RBFOX1: variants seen among roughly 807,000 people sequenced by gnomAD.
The protein encoded by RBFOX1 is RNA binding fox-1 homolog 1.
RBFOX1 carries 8 observed loss-of-function variants against 57.7 expected under a neutral mutation model. The observed-to-expected ratio is 0.14, with a 90% CI of 0.08 to 0.25. The LOEUF is 0.25. Among genes scored for constraint, RBFOX1 ranks in the 10% least tolerant of loss-of-function variants. RBFOX1 has a pLI of 1.00. For synonymous variants in RBFOX1, 326 were observed against 222.4 expected (o/e 1.47, Z -4.15); for missense variants, 611 against 548.5 (o/e 1.11, Z -1.14).
rs193006461 is a variant in RBFOX1, at chr16:7,512,587, T to C, written c.28-5560T>C. On this transcript the variant is annotated intron_variant, in intron 4 of 15. Coordinates refer to ENST00000550418, the MANE Select transcript of RBFOX1 (RefSeq NM_018723.4). ...GTACAGGATGAAATCTGGAGTCCCA[T>C]GTTCCTGGATGCTAACTGCAGGCTC... Among the ~76,000 whole-genome samples, 295 of 152,308 alleles carry C rather than the reference T, an allele frequency of 1.9e-3. 1 individual carries two copies. The highest frequency in any genetic ancestry group is 3.4e-3 in the Non-Finnish European group (231 of 68,014).
At chr16:6,150,470 A>G (rs1398656590) in intron 1 of RBFOX1, among the ~76,000 whole-genome samples, 1 of 152,162 alleles carries the variant, frequency 6.6e-6, no homozygotes, top group Non-Finnish European at 1.5e-5. Flanking sequence ...TTCCATTAAA[A>G]AAAAAATAAG....
At chr16:6,784,930 A>G (rs2081666727) in intron 3 of RBFOX1, among the ~76,000 whole-genome samples, 1 of 152,128 alleles carries the variant, frequency 6.6e-6, no homozygotes, top group Non-Finnish European at 1.5e-5. Flanking sequence ...TGCTTGAAAA[A>G]TAGCACAAGC....
chr16:5,974,162 C>G (rs115565575), intron 4 of RBFOX1, among the ~76,000 whole-genome samples: 6 of 152,288 alleles, frequency 3.9e-5, no homozygotes, highest in East Asian at 1.9e-4. Flanking sequence ...TGTTCTACCT[C>G]GGATGCACAG....
chr16:5,303,199 G>C (rs1428281673), intron 1 of RBFOX1, among the ~76,000 whole-genome samples: 1 of 152,184 alleles, frequency 6.6e-6, no homozygotes, highest in African/African-American at 2.4e-5. Context: ...TGCAGTGGAT[G>C]CCTCACTGGT....
intron 1 of RBFOX1, among the ~76,000 whole-genome samples, chr16:6,235,967 C>G (rs1368400821): frequency 6.6e-6 from 1 of 152,008 alleles, no homozygotes; most frequent in Non-Finnish European, 1.5e-5. Flanking sequence ...AGAATTTACT[C>G]ATGTAACCAA....
intron 3 of RBFOX1, among the ~76,000 whole-genome samples, chr16:7,046,683 G>A (rs1198323698): frequency 7.3e-6 from 1 of 137,668 alleles, no homozygotes; most frequent in Non-Finnish European, 1.5e-5. Context: ...TCGGCTCACT[G>A]CAACCTCCGT....
intron 1 of RBFOX1, among the ~76,000 whole-genome samples, chr16:6,292,485 C>G (rs1300712120): frequency 2.0e-5 from 3 of 151,682 alleles, no homozygotes; most frequent in African/African-American, 7.3e-5. Flanking sequence ...CAAATACATA[C>G]GTTTGAATAC....
At chr16:6,718,684 G>C (rs952073940) in intron 3 of RBFOX1, among the ~76,000 whole-genome samples, 1 of 152,146 alleles carries the variant, frequency 6.6e-6, no homozygotes, top group African/African-American at 2.4e-5. Context: ...GTGATAGTGA[G>C]TGAGGTCTCA....
chr16:5,359,064 G>GT lies in RBFOX1; in HGVS notation c.220-108147dup, dbSNP rs201053554. On this transcript the variant is annotated intron_variant, in intron 1 of 2. Transcript: ENST00000585867. ...CCAGAAATTAGTGAGAACATGTGAT[G>GT]TTTTTGTTTCTGTGCCTGGCTTATT... is the stretch of plus-strand genomic sequence containing the variant. Among the ~76,000 whole-genome samples the GT allele has an allele frequency of 3.6e-3, 553 of 152,296 alleles. 1 individual carries two copies. The highest frequency in any genetic ancestry group is 0.012 in the African/African-American group (519 of 41,558).
chr16:7,296,187 T>G (rs2141818437), intron 4 of RBFOX1, among the ~76,000 whole-genome samples: 1 of 152,028 alleles, frequency 6.6e-6, no homozygotes, highest in East Asian at 1.9e-4. Context: ...TAAGGGCAAT[T>G]TAGTGAAAAT....
At chr16:7,440,328 G>A (rs6500969) in intron 4 of RBFOX1, among the ~76,000 whole-genome samples, 101,611 of 152,048 alleles carry the variant, frequency 0.67, 34,307 homozygotes, top group East Asian at 0.92. Flanking sequence ...CTAACACTGT[G>A]AAAAAACAAG....
At chr16:5,339,495 TTTTTTG>T (rs2064987034) in intron 1 of RBFOX1, among the ~76,000 whole-genome samples, 3 of 126,506 alleles carry the variant, frequency 2.4e-5, no homozygotes, top group African/African-American at 6.4e-5. Flanking sequence ...TTTTTTTTTT[TTTTTTG>T]AGATGGAGTC....
chr16:6,767,933 A>G (rs1390859786), intron 3 of RBFOX1, among the ~76,000 whole-genome samples: 1 of 97,564 alleles, frequency 1.0e-5, no homozygotes, highest in East Asian at 3.1e-4. Context: ...TAATAATAAT[A>G]ATAATAATAA....
At chr16:5,308,225 C>T (rs779932497) in intron 1 of RBFOX1, among the ~76,000 whole-genome samples, 24 of 151,860 alleles carry the variant, frequency 1.6e-4, no homozygotes, top group Non-Finnish European at 2.8e-4. Flanking sequence ...CCTGTAATCC[C>T]AGCTACTCAG....
chr16:5,716,220 T>A (rs1472153868), intron 3 of RBFOX1, among the ~76,000 whole-genome samples: 2 of 152,194 alleles, frequency 1.3e-5, no homozygotes, highest in Non-Finnish European at 2.9e-5. Context: ...TGAAAGTAAT[T>A]TTTTTCCATT....
chr16:6,616,639 C>T (rs1272528428), intron 2 of RBFOX1, among the ~76,000 whole-genome samples: 3 of 152,228 alleles, frequency 2.0e-5, no homozygotes, highest in Admixed American at 1.3e-4. Flanking sequence ...CGTGCCACTG[C>T]ACTCCAGCCT....
intron 2 of RBFOX1, among the ~76,000 whole-genome samples, chr16:6,652,958 C>G (rs1287750532): frequency 6.6e-6 from 1 of 152,176 alleles, no homozygotes. Context: ...TCTCACTGAT[C>G]TCAAAATAAA....
chr16:5,339,266 C>T (rs1383061837), intron 1 of RBFOX1, among the ~76,000 whole-genome samples: 1 of 151,998 alleles, frequency 6.6e-6, no homozygotes, highest in Non-Finnish European at 1.5e-5. Context: ...TCCCTGAGGT[C>T]TGTCTGCCCC....
chr16:7,495,961 A>G (rs1464387372), intron 4 of RBFOX1, among the ~76,000 whole-genome samples: 1 of 152,168 alleles, frequency 6.6e-6, no homozygotes, highest in Non-Finnish European at 1.5e-5. Flanking sequence ...TTATGTTTGA[A>G]TCCTGTAGAT....
Sources: allele counts gnomAD v4.1 joint callset (sites outside exome capture counted in the v4.1 genomes callset), GRCh38; gene constraint gnomAD v4.1.1; transcripts MANE v1.5; gene names NCBI Gene and HGNC (gene_info 2026-07-23, HGNC 2026-07-21).